DGKA: variants seen among roughly 807,000 people sequenced by gnomAD.
DGKA encodes the protein 80 kDa diacylglycerol kinase.
DGKA carries 35 observed loss-of-function variants against 105.0 expected under a neutral mutation model. The ratio of observed to expected loss-of-function variants is 0.33; its 90% CI spans 0.25 to 0.44. The LOEUF (loss-of-function observed/expected upper bound fraction) is 0.44. Ranked by LOEUF, DGKA falls within the 20% of genes least tolerant of loss-of-function variation. The pLI, the probability that DGKA is intolerant of heterozygous loss-of-function variation, is 1.00. For synonymous variants in DGKA, 296 were observed against 332.0 expected (o/e 0.89, Z 1.18); for missense variants, 665 against 915.0 (o/e 0.73, Z 3.53).
Position 55,939,211 on chromosome 12 carries a change from T to C in DGKA, c.500T>C (p.Ile167Thr). 2 of 1,614,164 alleles carry C rather than the reference T, an allele frequency of 1.2e-6. No homozygotes were observed. Among genetic ancestry groups the C allele is most frequent in the Non-Finnish European group, 1.7e-6 (2 of 1,180,022 alleles). ...ATTCTTCAGGAGATGATGAAAGAGA[T>C]TGACTATGATGGCAGTGGCTCTGTC... Reference protein sequence around the residue: ...RPILQEMMKEIDYDGSGSVSQ... With the variant: ...RPILQEMMKETDYDGSGSVSQ... Residue 167 changes from isoleucine to threonine, a missense_variant, in exon 8 of 24, where the codon ATT becomes ACT. Physicochemically the swap from Ile to Thr is moderately conservative, Grantham distance 89. This residue lies in a region of DGKA where 504 missense variants were observed against 681.2 expected (regional missense o/e 0.74). Transcript: ENST00000331886.
In DGKA at chr12:55,952,689, A is replaced by T; in HGVS notation, c.1744-45A>T. On this transcript the variant is annotated intron_variant, in intron 20 of 23. Transcript: ENST00000331886. This position sits in a 1 kb window ranked among gnomAD's most constrained non-coding sequence, Gnocchi z 5.1. The stretch of plus-strand genomic sequence containing the variant: ...ACATCTATGATCATGCCATGAGGTG[A>T]GGATCTGTACCCTCCCTAACTGGGA... 1 of 1,603,604 alleles carries T rather than the reference A, an allele frequency of 6.2e-7. No individual in the cohort carries two copies. The highest frequency in any genetic ancestry group is 8.5e-7 in the Non-Finnish European group (1 of 1,171,262).
At chr12:55,927,817 G>A, upstream of DGKA, 6 of 1,519,060 alleles carry the variant, frequency 3.9e-6, no homozygotes, top group Non-Finnish European at 4.4e-6. Context: ...GCTCTGCCCC[G>A]CTGGGCGGCG....
chr12:55,929,586 G>A (rs942818479), upstream of DGKA: 2 of 152,264 alleles, frequency 1.3e-5, no homozygotes, highest in Non-Finnish European at 2.9e-5. Context: ...AGGAGGAACA[G>A]GGCAAAAAAG....
At chr12:55,944,305 A>T (rs892722717) in intron 17 of DGKA, among the ~76,000 whole-genome samples, 1 of 152,132 alleles carries the variant, frequency 6.6e-6, no homozygotes, top group Admixed American at 6.6e-5. Flanking sequence ...ATCTCTAAAA[A>T]TAAATAAACA....
chr12:55,951,670 A>G lies in DGKA; in HGVS notation c.1474A>G (p.Ser492Gly), dbSNP rs974757613. ...LAKILKDLEM[S>G]KVVHMDRWSV... Reference sequence around the variant, plus strand: ...AAAGATCCTCAAGGATTTAGAGATGAGTAAAGTGGTACATATGGATCGATG... The same window carrying G: ...AAAGATCCTCAAGGATTTAGAGATGGGTAAAGTGGTACATATGGATCGATG... The change falls in exon 18 of 24, where the codon AGT becomes GGT. Residue 492 changes from serine (S) to glycine (G), a missense_variant. By Grantham distance (56) the Ser-to-Gly change is moderately conservative. This residue lies in a region of DGKA where 504 missense variants were observed against 681.2 expected (regional missense o/e 0.74). Coordinates refer to ENST00000331886, the MANE Select transcript of DGKA (RefSeq NM_001345.5). 56 of 1,614,138 alleles carry G rather than the reference A, an allele frequency of 3.5e-5. No individual in the cohort carries two copies. The highest frequency in any genetic ancestry group is 4.3e-5 in the Non-Finnish European group (51 of 1,180,030).
chr12:55,951,637 A>G lies in DGKA; in HGVS notation c.1441A>G (p.Asn481Asp). 1 of 1,614,078 alleles carries G rather than the reference A, an allele frequency of 6.2e-7. No homozygotes were observed. The highest frequency in any genetic ancestry group is 8.5e-7 in the Non-Finnish European group (1 of 1,180,000). The part of the protein sequence containing the change: ...LRWGGGYEGQ[N>D]LAKILKDLEM... ...TCCACTCCTAGGTTATGAAGGACAG[A>G]ATCTGGCAAAGATCCTCAAGGATTT... Residue 481 changes from asparagine (N) to aspartate (D), a missense_variant, in exon 18 of 24, where the codon AAT becomes GAT. Coordinates refer to ENST00000331886, the MANE Select transcript of DGKA (RefSeq NM_001345.5).
chr12:55,952,410 G>T lies in DGKA; in HGVS notation c.1722G>T (p.Leu574=), dbSNP rs780382549. ...CCATCTTCTCAACATGCAAAAAGCT[G>T]GAGGAGTCTTTGACAGTTGAGGTGT... is the stretch of plus-strand genomic sequence containing the variant. ...SESIFSTCKK[L]EESLTVEICG... Residue 574 remains leucine (L), a synonymous_variant, in exon 20 of 24, where the codon CTG becomes CTT. Transcript: ENST00000331886. This position sits in a 1 kb window ranked among gnomAD's most constrained non-coding sequence, Gnocchi z 5.1. 1 of 1,614,154 alleles carries T rather than the reference G, an allele frequency of 6.2e-7. No homozygotes were observed. Among genetic ancestry groups the T allele is most frequent in the South Asian group, 1.1e-5 (1 of 91,078 alleles).
intron 17 of DGKA, among the ~76,000 whole-genome samples, chr12:55,949,814 G>C (rs1887780484): frequency 6.6e-6 from 1 of 151,530 alleles, no homozygotes; most frequent in Non-Finnish European, 1.5e-5. Flanking sequence ...TTCCTTTTTT[G>C]TTTTTTGTTT....
intron 17 of DGKA, among the ~76,000 whole-genome samples, chr12:55,945,151 G>A (rs1328513789): frequency 3.9e-5 from 6 of 152,200 alleles, no homozygotes; most frequent in Non-Finnish European, 8.8e-5. Context: ...CCAGTTTAAG[G>A]AAGAAAAATT....
rs1885696021 is a variant in DGKA at position 55,940,515 on chromosome 12, T to A, written c.918+82T>A. On this transcript the variant is annotated intron_variant, in intron 11 of 23. Coordinates refer to ENST00000331886, the MANE Select transcript of DGKA (RefSeq NM_001345.5). This position sits in a 1 kb window ranked among gnomAD's most constrained non-coding sequence, Gnocchi z 4.3. ...CACGGGCCTCCGGCCACACCTCCTT[T>A]ACAGGCACAGTTGCCCCTGCTCCCA... 1 of 1,586,900 alleles carries A rather than the reference T, an allele frequency of 6.3e-7. No individual in the cohort carries two copies. Among genetic ancestry groups the A allele is most frequent in the East Asian group, 2.2e-5 (1 of 44,648 alleles).
intron 5 of DGKA, 135 bp from the exon 6 acceptor site, chr12:55,938,376 T>C: frequency 9.0e-7 from 1 of 1,116,832 alleles, no homozygotes; most frequent in Non-Finnish European, 1.3e-6. Context: ...TTTGTCTCTC[T>C]CTCAGTCCCA....
intron 17 of DGKA, among the ~76,000 whole-genome samples, chr12:55,944,263 G>T (rs546999963): frequency 1.3e-5 from 2 of 152,270 alleles, no homozygotes; most frequent in African/African-American, 4.8e-5. Context: ...TTGGGCCACT[G>T]CACTCAATCC....
At position 55,940,532 on chromosome 12, in the gene DGKA, C is replaced by T. The variant is rs1398592811; in HGVS notation, c.919-92C>T. 6.4e-7 allele frequency: 1 copy of T among 1,574,014 alleles called. No homozygotes were observed. The highest frequency in any genetic ancestry group is 8.6e-7 in the Non-Finnish European group (1 of 1,159,526). On this transcript the variant is annotated intron_variant, in intron 11 of 23. Transcript: ENST00000331886. The surrounding 1 kb of genome is among the most constrained non-coding windows in gnomAD (Gnocchi z 4.3). ...ACCTCCTTTACAGGCACAGTTGCCCCTGCTCCCAAGGGCTCTTTCCAGCCC... is the reference window on the plus strand; with the variant it reads ...ACCTCCTTTACAGGCACAGTTGCCCTTGCTCCCAAGGGCTCTTTCCAGCCC...
chr12:55,936,255 A>C (rs1884677871), intron 1 of DGKA, 168 bp from the exon 2 acceptor site: 1 of 717,318 alleles, frequency 1.4e-6, no homozygotes, highest in Non-Finnish European at 2.1e-6. Flanking sequence ...GGGAAGGTAG[A>C]GGCATAGGGA....
Position 55,940,347 on chromosome 12 carries a change from GA to G in DGKA, c.833del (p.Glu278GlyfsTer18), listed in dbSNP as rs1460137393. On this transcript the variant is annotated frameshift_variant, in exon 11 of 24. Coordinates refer to ENST00000331886, the MANE Select transcript of DGKA (RefSeq NM_001345.5). LOFTEE classifies it high-confidence loss of function. The surrounding 1 kb of genome is among the most constrained non-coding windows in gnomAD (Gnocchi z 4.3). ...QSHVWVRGGC[E>X]SGRCDRCQKK... ...ACATGTGTGGGTGCGAGGAGGCTGT[GA>G]GTCCGGGCGCTGCGACCGCTGTCAG... is the stretch of plus-strand genomic sequence containing the variant. The G allele has an allele frequency of 6.2e-7, 1 of 1,614,270 alleles. No homozygotes were observed.
In DGKA at chr12:55,951,655, A is replaced by G. The variant is rs1202098831; in HGVS notation, c.1459A>G (p.Lys487Glu). 1 of 1,613,910 alleles carries G rather than the reference A, an allele frequency of 6.2e-7. No homozygotes were observed. The highest frequency in any genetic ancestry group is 1.3e-5 in the African/African-American group (1 of 74,874). Reference protein sequence around the residue: ...YEGQNLAKILKDLEMSKVVHM... With the variant: ...YEGQNLAKILEDLEMSKVVHM... ...AGGACAGAATCTGGCAAAGATCCTC[A>G]AGGATTTAGAGATGAGTAAAGTGGT... The change falls in exon 18 of 24, where the codon AAG becomes GAG. Residue 487 changes from lysine (K) to glutamate (E), a missense_variant. Coordinates refer to ENST00000331886, the MANE Select transcript of DGKA (RefSeq NM_001345.5).
intron 2 of DGKA, 72 bp downstream of exon 2, chr12:55,936,639 C>G: frequency 6.3e-7 from 1 of 1,596,838 alleles, no homozygotes. Flanking sequence ...CTCATTACAC[C>G]CCCTGCCCCC....
At chr12:55,928,767 T>G (rs985986606), upstream of DGKA, among the ~76,000 whole-genome samples, 4 of 151,558 alleles carry the variant, frequency 2.6e-5, no homozygotes. Context: ...CTCAGAAGTT[T>G]TCTGGGGGCC....
At chr12:55,938,769 C>A in intron 6 of DGKA, 146 bp from the exon 7 acceptor site, 1 of 1,532,996 alleles carries the variant, frequency 6.5e-7, no homozygotes, top group Non-Finnish European at 8.8e-7. Context: ...TACAAACATA[C>A]AAACACATTT....
Sources: allele counts gnomAD v4.1 joint callset (sites outside exome capture counted in the v4.1 genomes callset), GRCh38; gene constraint gnomAD v4.1.1; regional missense constraint gnomAD v4.1.1; non-coding constraint Gnocchi (gnomAD v3.1); transcripts MANE v1.5; gene names NCBI Gene and HGNC (gene_info 2026-07-23, HGNC 2026-07-21).